The following WDR49 variants were observed in gnomAD, a reference collection of about 807,000 sequenced individuals.
WDR49 encodes cilia- and flagella-associated protein 337.
In WDR49, 107 loss-of-function variants were observed where a neutral mutation model predicts 119.5. That is an observed-to-expected ratio of 0.90 (90% CI 0.77 to 1.05). The LOEUF is 1.05. Among genes scored for constraint, WDR49 ranks in the 50% least tolerant of loss-of-function variants. The probability of loss-of-function intolerance (pLI) is 0.00; values close to 1 mark genes in which losing one functional copy is unlikely to be tolerated. For synonymous variants in WDR49, 425 were observed against 418.8 expected (o/e 1.01, Z -0.18); for missense variants, 1,240 against 1,220.5 (o/e 1.02, Z -0.24).
At chr3:167,587,886 G>A (rs188115930) in intron 7 of WDR49, among the ~76,000 whole-genome samples, 25 of 152,156 alleles carry the variant, frequency 1.6e-4, no homozygotes, top group African/African-American at 5.1e-4. Flanking sequence ...TATACATTGC[G>A]TAATAATCAC....
intron 10 of WDR49, among the ~76,000 whole-genome samples, chr3:167,547,916 C>T (rs972675028): frequency 6.6e-6 from 1 of 151,936 alleles, no homozygotes; most frequent in African/African-American, 2.4e-5. Flanking sequence ...TACAAAAAGC[C>T]TTTTCAACTT....
intron 2 of WDR49, among the ~76,000 whole-genome samples, chr3:167,641,936 T>TA (rs149443404): frequency 0.27 from 40,207 of 149,952 alleles, 5,597 homozygotes; most frequent in African/African-American, 0.34. Context: ...GAAAAAAAGG[T>TA]AAAAAAAATA....
chr3:167,576,279 C>T, intron 7 of WDR49, 128 bp from the exon 8 acceptor site: 1 of 705,670 alleles, frequency 1.4e-6, no homozygotes, highest in South Asian at 1.9e-5. Flanking sequence ...ATAATTGGTT[C>T]TCAATTCTGC....
intron 2 of WDR49, among the ~76,000 whole-genome samples, chr3:167,629,339 T>C (rs1317592924): frequency 6.6e-6 from 1 of 152,072 alleles, no homozygotes; most frequent in Non-Finnish European, 1.5e-5. Flanking sequence ...TTACTGAATA[T>C]ACAGTGTGGT....
intron 7 of WDR49, 143 bp downstream of exon 7, chr3:167,601,984 T>G: frequency 9.3e-7 from 1 of 1,076,552 alleles, no homozygotes; most frequent in Non-Finnish European, 1.3e-6. Context: ...CTTTTCCAAA[T>G]ATAGACTTCC....
At chr3:167,609,079 G>A (rs987439415) in intron 5 of WDR49, among the ~76,000 whole-genome samples, 1 of 152,148 alleles carries the variant, frequency 6.6e-6, no homozygotes, top group Admixed American at 6.5e-5. Context: ...TGCACTTAGA[G>A]TAAGATAAAA....
chr3:167,557,884 T>C (rs893415600), intron 9 of WDR49, among the ~76,000 whole-genome samples: 8 of 152,200 alleles, frequency 5.3e-5, no homozygotes, highest in Admixed American at 2.6e-4. Flanking sequence ...ATTATTATTG[T>C]ATCCATTTAT....
intron 16 of WDR49, among the ~76,000 whole-genome samples, chr3:167,516,037 T>A (rs1667573301): frequency 6.6e-6 from 1 of 152,108 alleles, no homozygotes; most frequent in African/African-American, 2.4e-5. Flanking sequence ...AGAATCAATA[T>A]CATGAAAATC....
chr3:167,625,073 G>C (rs1404489548), intron 3 of WDR49, among the ~76,000 whole-genome samples: 1 of 152,008 alleles, frequency 6.6e-6, no homozygotes, highest in Non-Finnish European at 1.5e-5. Flanking sequence ...GAATAGATTA[G>C]GGCATAGGAA....
rs373964828 is a variant in WDR49 at position 167,505,358 on chromosome 3, T to G, written c.2833A>C (p.Met945Leu). The stretch of plus-strand genomic sequence containing the variant: ...TAATAAGGTTTTTGTGTTTCTTTCA[T>G]GCAGGTACTTCTTTCCTTATATTTT... ...DIKYKERSTC[M>L]KETQKPYYGE... Residue 945 changes from methionine (M) to leucine (L), a missense_variant, in exon 17 of 19, where the codon ATG (methionine) becomes CTG (leucine). By Grantham distance (15) the Met-to-Leu change is conservative. Transcript: ENST00000682715. 31 of 1,537,220 alleles carry G rather than the reference T, an allele frequency of 2.0e-5. No individual in the cohort carries two copies. In the African/African-American group the frequency reaches 3.7e-4, roughly 18 times the overall value.
chr3:167,554,850 A>G (rs918683340), intron 9 of WDR49, 52 bp from the exon 10 acceptor site: 3 of 1,305,362 alleles, frequency 2.3e-6, no homozygotes, highest in Non-Finnish European at 3.2e-6. Flanking sequence ...AACTTTTTAT[A>G]TTCTGAACCA....
At chr3:167,656,727 T>C (rs1041244675), upstream of WDR49, among the ~76,000 whole-genome samples, 1 of 152,236 alleles carries the variant, frequency 6.6e-6, no homozygotes, top group Non-Finnish European at 1.5e-5. Flanking sequence ...TCTGTAACTG[T>C]GTGGTTAATT....
Position 167,483,289 on chromosome 3 carries a change from C to T in WDR49, c.3032-4293G>A, listed in dbSNP as rs1055010358. ...TTAGAATCACAAGCAATTCAGAATG[C>T]CTTTGAGCCCTTCTGAAATATATTG... On this transcript the variant is annotated intron_variant, in intron 18 of 18. Coordinates refer to ENST00000682715, the MANE Select transcript of WDR49 (RefSeq NM_001366157.1). Among the ~76,000 whole-genome samples, 7 of 152,284 alleles carry T rather than the reference C, an allele frequency of 4.6e-5. No homozygotes were observed. In the East Asian group the frequency reaches 1.4e-3, roughly 29 times the overall value.
intron 10 of WDR49, among the ~76,000 whole-genome samples, chr3:167,550,979 A>G (rs1290151424): frequency 6.6e-6 from 1 of 152,014 alleles, no homozygotes; most frequent in Non-Finnish European, 1.5e-5. Context: ...TCAACCAGGT[A>G]TTTGTGAATT....
intron 5 of WDR49, among the ~76,000 whole-genome samples, chr3:167,605,137 T>C (rs1285710465): frequency 6.6e-6 from 1 of 151,706 alleles, no homozygotes; most frequent in Non-Finnish European, 1.5e-5. Context: ...CATACACAGG[T>C]ATTTATACAT....
chr3:167,528,638 G>C (rs959703492), intron 14 of WDR49, among the ~76,000 whole-genome samples: 1 of 152,112 alleles, frequency 6.6e-6, no homozygotes, highest in Admixed American at 6.6e-5. Context: ...AGGATGGCTG[G>C]AACCAGGAGT....
intron 7 of WDR49, among the ~76,000 whole-genome samples, chr3:167,581,438 T>C (rs909367517): frequency 1.3e-5 from 2 of 152,120 alleles, no homozygotes; most frequent in Non-Finnish European, 2.9e-5. Context: ...GTCAAATTTG[T>C]CTACAATGTA....
upstream of WDR49, among the ~76,000 whole-genome samples, chr3:167,654,287 ATC>A (rs999264178): frequency 2.0e-5 from 3 of 152,148 alleles, no homozygotes; most frequent in African/African-American, 7.2e-5. Flanking sequence ...TATAAAAGGA[ATC>A]TGTTTCTTAT....
At chr3:167,622,272 C>A (rs2108323037) in intron 3 of WDR49, among the ~76,000 whole-genome samples, 1 of 152,098 alleles carries the variant, frequency 6.6e-6, no homozygotes, top group South Asian at 2.1e-4. Flanking sequence ...TGTGATGGCT[C>A]ATGTCTGTAA....
Sources: allele counts gnomAD v4.1 joint callset (sites outside exome capture counted in the v4.1 genomes callset), GRCh38; gene constraint gnomAD v4.1.1; transcripts MANE v1.5; gene names NCBI Gene and HGNC (gene_info 2026-07-23, HGNC 2026-07-21).